The following ATP11B variants were observed in gnomAD, a reference collection of about 807,000 sequenced individuals.
ATP11B encodes phospholipid-transporting ATPase IF.
ATP11B carries 81 observed loss-of-function variants against 157.8 expected under a neutral mutation model. The observed-to-expected ratio is 0.51, with a 90% CI of 0.43 to 0.62. The LOEUF (loss-of-function observed/expected upper bound fraction) is 0.62, where lower values mean the gene tolerates loss of function less well. Ranked by LOEUF, ATP11B falls within the 20% of genes least tolerant of loss-of-function variation. ATP11B has a pLI of 0.00. For missense variants in ATP11B, 1,165 were observed against 1,402.2 expected, an observed-to-expected ratio of 0.83 and a Z score of 2.70; for synonymous variants, 451 against 469.4, an observed-to-expected ratio of 0.96 and a Z score of 0.51.
At position 182,913,960 on chromosome 3, in the gene ATP11B, G is replaced by GT. The variant is rs1380390270; in HGVS notation, c.3420dup (p.Ile1141TyrfsTer5). ...ATCTGTTGGAAGAATGCTGGAACGA[G>GT]TTATAGGAAGATGTAGTCCAACCCA... On this transcript the variant is annotated frameshift_variant, in exon 29 of 30. Transcript: ENST00000323116. LOFTEE classifies it high-confidence loss of function. 3 of 1,613,978 alleles carry GT rather than the reference G, an allele frequency of 1.9e-6. No individual in the cohort carries two copies. In the Admixed American group the frequency reaches 5.0e-5, roughly 27 times the overall value.
chr3:182,884,160 C>A (rs945745992), intron 21 of ATP11B, among the ~76,000 whole-genome samples: 2 of 151,880 alleles, frequency 1.3e-5, no homozygotes, highest in African/African-American at 4.8e-5. Context: ...CTTTTGAAAC[C>A]TTAAGGATTA....
chr3:182,910,681 G>A (rs924507079), intron 28 of ATP11B, among the ~76,000 whole-genome samples: 1 of 152,198 alleles, frequency 6.6e-6, no homozygotes, highest in Non-Finnish European at 1.5e-5. Context: ...ATACTCAAGC[G>A]CTGGCTACCT....
intron 25 of ATP11B, among the ~76,000 whole-genome samples, chr3:182,894,097 A>G (rs891785928): frequency 1.3e-5 from 2 of 152,184 alleles, no homozygotes; most frequent in Admixed American, 1.3e-4. Flanking sequence ...TCAGAAGTGT[A>G]GATTGCGAAG....
chr3:182,889,374 T>A, intron 24 of ATP11B, 36 bp from the exon 25 acceptor site: 1 of 1,409,908 alleles, frequency 7.1e-7, no homozygotes, highest in Non-Finnish European at 9.6e-7. Flanking sequence ...TAATAAATGA[T>A]CCCTAATATG....
rs979930466 is a variant in ATP11B, at chr3:182,823,708, T to C, written c.144+3332T>C. Among the ~76,000 whole-genome samples, 9 of 152,342 alleles carry C rather than the reference T, an allele frequency of 5.9e-5. No homozygotes were observed. In the East Asian group the frequency reaches 9.6e-4, roughly 16 times the overall value. On this transcript the variant is annotated intron_variant, in intron 2 of 29. Coordinates refer to ENST00000323116, the MANE Select transcript of ATP11B (RefSeq NM_014616.3). ...TAAATGTATAAATTACCTTGGGCAG[T>C]ATGGCCATTTTCACGATGTTGATTC... is the stretch of plus-strand genomic sequence containing the variant.
rs771896252 is a variant in ATP11B at position 182,866,383 on chromosome 3, CGCAGTTGGAGTACTAT to C, written c.1563_1578del (p.Gln521HisfsTer9). On this transcript the variant is annotated frameshift_variant, in exon 14 of 30. Coordinates refer to ENST00000323116, the MANE Select transcript of ATP11B (RefSeq NM_014616.3). LOFTEE classifies it high-confidence loss of function. ...CCCTGGCAATCCAACCTGGCACCAT[CGCAGTTGGAGTACTAT>C]GCATCTTCACCAGATGAAAAGGCTC... The C allele has an allele frequency of 6.2e-7, 1 of 1,613,776 alleles. No individual in the cohort carries two copies. The highest frequency in any genetic ancestry group is 2.2e-5 in the East Asian group (1 of 44,872).
chr3:182,872,529 AGAAGACAG>A lies in ATP11B; in HGVS notation c.2042_2048+1del. ...TGATATTACTTGGAGCCACAGCAGT[AGAAGACAG>A]GTAAGTATCAGATAATTAAAAAATA... On this transcript the variant is annotated frameshift_variant and splice_region_variant, in exon 18 of 30. Coordinates refer to ENST00000323116, the MANE Select transcript of ATP11B (RefSeq NM_014616.3). LOFTEE classifies it high-confidence loss of function. 6.2e-7 allele frequency: 1 copy of A among 1,606,002 alleles called. No homozygotes were observed. Among genetic ancestry groups the A allele is most frequent in the Non-Finnish European group, 8.5e-7 (1 of 1,177,348 alleles).
At chr3:182,810,086 C>T (rs932688030) in intron 1 of ATP11B, among the ~76,000 whole-genome samples, 1 of 152,112 alleles carries the variant, frequency 6.6e-6, no homozygotes, top group African/African-American at 2.4e-5. Flanking sequence ...GGCTCATGCA[C>T]TTTGGGAAGC....
chr3:182,885,581 T>C (rs867604301), intron 22 of ATP11B, among the ~76,000 whole-genome samples: 1 of 152,172 alleles, frequency 6.6e-6, no homozygotes, highest in Non-Finnish European at 1.5e-5. Context: ...TTATTGTGTG[T>C]TTTAAACATT....
chr3:182,897,016 A>G (rs558844240), intron 26 of ATP11B, among the ~76,000 whole-genome samples: 15 of 152,172 alleles, frequency 9.9e-5, no homozygotes, highest in Non-Finnish European at 1.5e-4. Context: ...TTCTCTGTGT[A>G]TAGTGCAAGA....
intron 19 of ATP11B, among the ~76,000 whole-genome samples, chr3:182,877,097 G>A (rs1560106854): frequency 6.6e-6 from 1 of 152,192 alleles, no homozygotes; most frequent in Non-Finnish European, 1.5e-5. Context: ...GAGACATAAG[G>A]TGTGTTGTTT....
intron 1 of ATP11B, among the ~76,000 whole-genome samples, chr3:182,807,990 C>T (rs1334458345): frequency 2.0e-5 from 3 of 152,034 alleles, no homozygotes; most frequent in Non-Finnish European, 2.9e-5. Flanking sequence ...GTAGCAAACA[C>T]GTTTTTCTTT....
intron 10 of ATP11B, among the ~76,000 whole-genome samples, chr3:182,855,885 C>T (rs1209482753): frequency 6.6e-6 from 1 of 152,006 alleles, no homozygotes; most frequent in East Asian, 1.9e-4. Flanking sequence ...AGTGATAATA[C>T]CAAATGGCTA....
chr3:182,847,185 A>G (rs1719600737), intron 9 of ATP11B, among the ~76,000 whole-genome samples: 1 of 151,072 alleles, frequency 6.6e-6, no homozygotes, highest in Non-Finnish European at 1.5e-5. Flanking sequence ...CAAATAGCTG[A>G]GATTACAGGC....
At chr3:182,848,640 ATATATAT>A in intron 10 of ATP11B, 83 bp downstream of exon 10, 1 of 541,526 alleles carries the variant, frequency 1.8e-6, no homozygotes, top group Non-Finnish European at 2.6e-6. Flanking sequence ...TATATATATA[ATATATAT>A]TAAGTAAACA....
intron 25 of ATP11B, among the ~76,000 whole-genome samples, chr3:182,895,122 A>C: frequency 6.6e-6 from 1 of 151,198 alleles, no homozygotes; most frequent in Middle Eastern, 3.6e-3. Context: ...CAAAAAAAAA[A>C]AAAAAAAAAA....
rs1725328725 is a variant in ATP11B at position 182,919,435 on chromosome 3, T to C, written c.*1331T>C. On this transcript the variant is annotated 3_prime_UTR_variant, in exon 30 of 30. Coordinates refer to ENST00000323116, the MANE Select transcript of ATP11B (RefSeq NM_014616.3). ...TTCAAAACCTAACTTCCATCCTGAA[T>C]TTATCAAGTAGTTCAGTATTGTCAT... 6.6e-6 allele frequency: 1 copy of C among 152,656 alleles called. No homozygotes were observed. The highest frequency in any genetic ancestry group is 1.5e-5 in the Non-Finnish European group (1 of 68,024). 9.5% of individuals were successfully genotyped at this position (152,656 alleles called of 1,614,324 possible). A position where few individuals can be genotyped will look rare whatever the true frequency, so the allele number is the denominator to read the frequency against.
chr3:182,842,817 AAC>A (rs1719155979), intron 8 of ATP11B, among the ~76,000 whole-genome samples: 1 of 152,222 alleles, frequency 6.6e-6, no homozygotes, highest in Non-Finnish European at 1.5e-5. Context: ...CTAGTTTTCA[AAC>A]ACAAATCCCT....
chr3:182,918,130 C>G lies in ATP11B; in HGVS notation c.*26C>G. 1 of 1,610,476 alleles carries G rather than the reference C, an allele frequency of 6.2e-7. No homozygotes were observed. On this transcript the variant is annotated 3_prime_UTR_variant, in exon 30 of 30. Coordinates refer to ENST00000323116, the MANE Select transcript of ATP11B (RefSeq NM_014616.3). Reference sequence around the variant, plus strand: ...AGGGGCAGTAGTACTTTGTGGGAGCCAGTTCACCTCCTTTCCTAAAATTCA... The same window carrying G: ...AGGGGCAGTAGTACTTTGTGGGAGCGAGTTCACCTCCTTTCCTAAAATTCA...
Sources: gnomAD v4.1 joint callset for allele counts (sites outside exome capture counted in the v4.1 genomes callset) on GRCh38, gnomAD v4.1.1 for gene constraint, MANE v1.5 for transcripts, NCBI Gene and HGNC (gene_info 2026-07-23, HGNC 2026-07-21) for gene names.